SFMBT2: variants seen among roughly 807,000 people sequenced by gnomAD.
SFMBT2 encodes the protein Scm like with four mbt domains 2.
A neutral mutation model predicts 110.1 loss-of-function variants in SFMBT2; 38 were observed. The ratio of observed to expected loss-of-function variants is 0.35; its 90% confidence interval spans 0.27 to 0.45. The LOEUF (loss-of-function observed/expected upper bound fraction) is 0.45, where lower values mean the gene tolerates loss of function less well. Among genes scored for constraint, SFMBT2 ranks in the 20% least tolerant of loss-of-function variants. SFMBT2 has a pLI of 1.00. For synonymous variants in SFMBT2, 425 were observed against 425.4 expected, an observed-to-expected ratio of 1.00 and a Z score of 0.01; for missense variants, 1,011 against 1,094.9, an observed-to-expected ratio of 0.92 and a Z score of 1.08.
chr10:7,201,471 C>T lies in SFMBT2; in HGVS notation c.1488-987G>A, dbSNP rs11818352. 2.6e-3 allele frequency among the ~76,000 whole-genome samples: 392 copies of T among 152,232 alleles called. 1 individual carries two copies. The highest frequency in any genetic ancestry group is 8.8e-3 in the African/African-American group (365 of 41,534). ...GAAATCTCTCTACTTCCCCATCAGG[C>T]GGATAACGTGGAGTCTGGTTATGAG... On this transcript the variant is annotated intron_variant, in intron 13 of 20. Coordinates refer to ENST00000397167, the MANE Select transcript of SFMBT2 (RefSeq NM_001387889.1).
At position 7,171,900 on chromosome 10, in the gene SFMBT2, TC is replaced by T; in HGVS notation, c.2409del (p.Thr804GlnfsTer27). ...GEKCPPTKPE[G>X]TEDTKQEEEE... ...TCCCCACGCCCGGGCATCACCTCTG[TC>T]CCCTCGGGCTTGGTCGGCGGGCACT... On this transcript the variant is annotated frameshift_variant, in exon 19 of 21. Coordinates refer to ENST00000397167, the MANE Select transcript of SFMBT2 (RefSeq NM_001387889.1). LOFTEE classifies it high-confidence loss of function. The surrounding 1 kb of genome is among the most constrained non-coding windows in gnomAD (Gnocchi z 4.9). 7.0e-7 allele frequency: 1 copy of T among 1,431,924 alleles called. No individual in the cohort carries two copies. 88.7% of individuals were successfully genotyped at this position (1,431,924 alleles called of 1,614,324 possible).
At chr10:7,195,903 T>A (rs531217140) in intron 15 of SFMBT2, among the ~76,000 whole-genome samples, 28 of 152,312 alleles carry the variant, frequency 1.8e-4, no homozygotes, top group Non-Finnish European at 3.4e-4. Context: ...CCCAAATAAA[T>A]GACCACAACA....
chr10:7,382,578 C>A (rs1272294990), intron 1 of SFMBT2, among the ~76,000 whole-genome samples: 2 of 152,132 alleles, frequency 1.3e-5, no homozygotes, highest in African/African-American at 4.8e-5. Context: ...CCTCGATCCA[C>A]CATGGCAACA....
Position 7,340,465 on chromosome 10 carries a change from A to G in SFMBT2, c.436+27184T>C, listed in dbSNP as rs145300905. ...TCTGCTCCATCCCCATTCCCCAGCT[A>G]ACACAACCTTTCTAAGTCAGTCCTG... On this transcript the variant is annotated intron_variant, in intron 4 of 20. Coordinates refer to ENST00000397167, the MANE Select transcript of SFMBT2 (RefSeq NM_001387889.1). Among the ~76,000 whole-genome samples, 885 of 152,096 alleles carry G rather than the reference A, an allele frequency of 5.8e-3. 6 individuals are homozygous for G. The highest frequency in any genetic ancestry group is 0.019 in the African/African-American group (806 of 41,502).
intron 4 of SFMBT2, among the ~76,000 whole-genome samples, chr10:7,322,850 T>C (rs975132970): frequency 2.0e-5 from 3 of 152,220 alleles, no homozygotes; most frequent in African/African-American, 4.8e-5. Flanking sequence ...ATGGGAAAAC[T>C]TGGATTACTG....
intron 4 of SFMBT2, among the ~76,000 whole-genome samples, chr10:7,290,261 CAAA>C (rs200965592): frequency 1.8e-5 from 2 of 110,942 alleles, no homozygotes; most frequent in Non-Finnish European, 4.1e-5. Flanking sequence ...TCATAAGAAA[CAAA>C]AAAAAAAAAA....
rs1377069900 is a variant in SFMBT2 at position 7,161,256 on chromosome 10, C to G, written c.*2514G>C. 6.6e-6 allele frequency: 1 copy of G among 152,256 alleles called. No individual in the cohort carries two copies. The highest frequency in any genetic ancestry group is 2.4e-5 in the African/African-American group (1 of 41,448). The allele number at this position is 152,256 out of a possible 1,614,324, so 9.4% of individuals were successfully genotyped here. On this transcript the variant is annotated 3_prime_UTR_variant, in exon 21 of 21. Coordinates refer to ENST00000397167, the MANE Select transcript of SFMBT2 (RefSeq NM_001387889.1). ...GGATCCCCTCCCTCCAACGCAGCAC[C>G]TCCTCCTCCGTGCTACCACTGAAAA...
chr10:7,371,900 C>T (rs544690482), intron 2 of SFMBT2, among the ~76,000 whole-genome samples: 1 of 147,560 alleles, frequency 6.8e-6, no homozygotes, highest in African/African-American at 2.5e-5. Flanking sequence ...GAGACTATCA[C>T]TACTTTTTGT....
At chr10:7,203,996 C>T (rs1382067228) in intron 12 of SFMBT2, 1 of 233,424 alleles carries the variant, frequency 4.3e-6, no homozygotes, top group Non-Finnish European at 7.0e-6. Flanking sequence ...AGATTATAGA[C>T]GTGAGCCACC....
chr10:7,327,203 ATTGT>A (rs1843414227), intron 4 of SFMBT2, among the ~76,000 whole-genome samples: 1 of 151,030 alleles, frequency 6.6e-6, no homozygotes, highest in African/African-American at 2.4e-5. Context: ...AAATAATAAG[ATTGT>A]TTAATTTTTT....
At chr10:7,365,798 G>T (rs1844874887) in intron 4 of SFMBT2, among the ~76,000 whole-genome samples, 1 of 152,176 alleles carries the variant, frequency 6.6e-6, no homozygotes, top group Non-Finnish European at 1.5e-5. Flanking sequence ...AACAGAAAGT[G>T]CATTAGTGTT....
intron 4 of SFMBT2, among the ~76,000 whole-genome samples, chr10:7,307,773 A>G (rs568125914): frequency 2.6e-5 from 4 of 152,340 alleles, no homozygotes; most frequent in African/African-American, 7.2e-5. Context: ...GGAAGAGGAA[A>G]AGATTTCTTA....
chr10:7,255,795 T>C (rs11255061), intron 7 of SFMBT2, among the ~76,000 whole-genome samples: 69,151 of 152,046 alleles, frequency 0.45, 16,673 homozygotes, highest in East Asian at 0.84. Context: ...CTAGGTTCTG[T>C]GTATACAAAC....
rs528177532 is a variant in SFMBT2, at chr10:7,326,302, C to A, written c.437-40348G>T. Among the ~76,000 whole-genome samples the A allele has an allele frequency of 5.9e-5, 9 of 152,342 alleles. No homozygotes were observed. The East Asian group carries it at 1.7e-3, about 29-fold the overall frequency. ...CACATAATTTCACCTTTGTGTCTGGCAGAACATTTCAAGATCACCAGGAAC... is the reference window on the plus strand; with the variant it reads ...CACATAATTTCACCTTTGTGTCTGGAAGAACATTTCAAGATCACCAGGAAC... On this transcript the variant is annotated intron_variant, in intron 4 of 20. Coordinates refer to ENST00000397167, the MANE Select transcript of SFMBT2 (RefSeq NM_001387889.1).
intron 20 of SFMBT2, chr10:7,164,493 G>A: frequency 1.0e-6 from 1 of 971,306 alleles, no homozygotes; most frequent in African/African-American, 1.7e-5. Context: ...AGCTGGAACA[G>A]GTGGGTTGCT....
chr10:7,200,912 G>A lies in SFMBT2; in HGVS notation c.1488-428C>T, dbSNP rs185888337. 75 of 742,958 alleles carry A rather than the reference G, an allele frequency of 1.0e-4. No homozygotes were observed. In the African/African-American group the frequency reaches 1.1e-3, roughly 11 times the overall value. The allele number at this position is 742,958 out of a possible 1,614,324, so 46.0% of individuals were successfully genotyped here. On this transcript the variant is annotated intron_variant, in intron 13 of 20. Coordinates refer to ENST00000397167, the MANE Select transcript of SFMBT2 (RefSeq NM_001387889.1). Reference sequence around the variant, plus strand: ...CACTAACCTTTGATTTCTGACCTCCGGGCCCGCGGGAGTCATGGCCACACT... The same window carrying A: ...CACTAACCTTTGATTTCTGACCTCCAGGCCCGCGGGAGTCATGGCCACACT...
At chr10:7,246,062 G>A (rs79295744) in intron 8 of SFMBT2, 14,813 of 615,656 alleles carry the variant, frequency 0.024, 220 homozygotes, top group Non-Finnish European at 0.026. Flanking sequence ...CTTGAACCTG[G>A]AGAGGTGCCT....
At chr10:7,320,976 T>G (rs919226643) in intron 4 of SFMBT2, among the ~76,000 whole-genome samples, 2 of 152,188 alleles carry the variant, frequency 1.3e-5, no homozygotes, top group Non-Finnish European at 1.5e-5. Context: ...CTGTTAAAAT[T>G]TCAGTGGCTG....
intron 7 of SFMBT2, among the ~76,000 whole-genome samples, chr10:7,252,373 G>A (rs577544117): frequency 3.9e-5 from 6 of 152,088 alleles, no homozygotes; most frequent in East Asian, 1.9e-4. Flanking sequence ...TCAGGGCTGC[G>A]GACTGTATTG....
Sources: allele counts gnomAD v4.1 joint callset (sites outside exome capture counted in the v4.1 genomes callset), GRCh38; gene constraint gnomAD v4.1.1; non-coding constraint Gnocchi (gnomAD v3.1); transcripts MANE v1.5; gene names NCBI Gene and HGNC (gene_info 2026-07-23, HGNC 2026-07-21).